CSMD1: variants seen among roughly 807,000 people sequenced by gnomAD.
CSMD1 encodes CUB and Sushi multiple domains 1.
CSMD1 carries 213 observed loss-of-function variants against 417.5 expected under a neutral mutation model. That is an observed-to-expected ratio of 0.51 (90% CI 0.46 to 0.57). The LOEUF (loss-of-function observed/expected upper bound fraction) is 0.57, where lower values mean the gene tolerates loss of function less well. Among genes scored for constraint, CSMD1 ranks in the 20% least tolerant of loss-of-function variants. The pLI, the probability that CSMD1 is intolerant of heterozygous loss-of-function variation, is 0.00. For missense variants in CSMD1, 6,923 were observed against 4,529.7 expected, an observed-to-expected ratio of 1.53 and a Z score of -15.17; for synonymous variants, 2,862 against 1,736.8, an observed-to-expected ratio of 1.65 and a Z score of -16.11.
chr8:3,203,414 A>G (rs1270173741), intron 31 of CSMD1, among the ~76,000 whole-genome samples: 3 of 152,204 alleles, frequency 2.0e-5, no homozygotes, highest in African/African-American at 7.2e-5. Context: ...TGAGAATGTG[A>G]TGAGAAGAAC....
intron 3 of CSMD1, among the ~76,000 whole-genome samples, chr8:4,122,707 T>C (rs936715077): frequency 6.6e-6 from 1 of 152,168 alleles, no homozygotes; most frequent in Non-Finnish European, 1.5e-5. Context: ...CTAAATGCTG[T>C]AACCCAGGAT....
intron 1 of CSMD1, among the ~76,000 whole-genome samples, chr8:4,980,755 G>A (rs138265592): frequency 1.3e-5 from 2 of 152,170 alleles, no homozygotes; most frequent in Non-Finnish European, 2.9e-5. Flanking sequence ...GCTACACCAA[G>A]TGAGCTGAGT....
At chr8:3,567,434 A>C (rs908389836) in intron 10 of CSMD1, among the ~76,000 whole-genome samples, 4 of 151,784 alleles carry the variant, frequency 2.6e-5, no homozygotes, top group Non-Finnish European at 5.9e-5. Flanking sequence ...TTTAAAAATA[A>C]AATAAAAATA....
intron 10 of CSMD1, among the ~76,000 whole-genome samples, chr8:3,501,764 T>C (rs183787634): frequency 3.3e-4 from 50 of 152,352 alleles, no homozygotes; most frequent in African/African-American, 1.2e-3. Flanking sequence ...TTACACATTT[T>C]AAAAGAAAAT....
intron 10 of CSMD1, among the ~76,000 whole-genome samples, chr8:3,562,502 G>A (rs548737292): frequency 2.7e-5 from 4 of 150,778 alleles, no homozygotes; most frequent in South Asian, 4.2e-4. Context: ...ACAGATGAGT[G>A]CCACAGCAAT....
At chr8:3,193,359 A>G (rs1040447072) in intron 33 of CSMD1, among the ~76,000 whole-genome samples, 7 of 152,180 alleles carry the variant, frequency 4.6e-5, no homozygotes, top group Admixed American at 4.6e-4. Context: ...TAGAGGAAGA[A>G]GTTTGGAAAG....
At chr8:3,772,286 G>A (rs1012903071) in intron 5 of CSMD1, among the ~76,000 whole-genome samples, 1 of 128,880 alleles carries the variant, frequency 7.8e-6, no homozygotes, top group Non-Finnish European at 1.6e-5. Flanking sequence ...CATATATTTA[G>A]ACATACATAT....
At chr8:4,471,574 G>C (rs749862710) in intron 2 of CSMD1, among the ~76,000 whole-genome samples, 1 of 152,114 alleles carries the variant, frequency 6.6e-6, no homozygotes, top group African/African-American at 2.4e-5. Context: ...ACGAAGGCCC[G>C]TTTTAGAGAG....
chr8:3,261,189 G>C (rs901031331), intron 26 of CSMD1, among the ~76,000 whole-genome samples: 1 of 152,132 alleles, frequency 6.6e-6, no homozygotes, highest in Non-Finnish European at 1.5e-5. Flanking sequence ...AAATACCATA[G>C]ACAATTTTAT....
intron 5 of CSMD1, among the ~76,000 whole-genome samples, chr8:3,959,521 A>C (rs1444399502): frequency 6.6e-6 from 1 of 152,108 alleles, no homozygotes; most frequent in African/African-American, 2.4e-5. Context: ...CAAAGAACAA[A>C]CCAACGAACG....
chr8:4,402,821 CTTTTTTTTTTTTTTTTG>C (rs1804739054), intron 3 of CSMD1, among the ~76,000 whole-genome samples: 3 of 66,352 alleles, frequency 4.5e-5, no homozygotes, highest in Non-Finnish European at 8.7e-5. Context: ...TTTTTTTTTT[CTTTTTTTTTTTTTTTTG>C]GAGACAGAGC....
chr8:3,963,618 T>A (rs1812474205), intron 5 of CSMD1, among the ~76,000 whole-genome samples: 1 of 152,230 alleles, frequency 6.6e-6, no homozygotes, highest in African/African-American at 2.4e-5. Flanking sequence ...TAGTAGCACA[T>A]ATGGTATATT....
At chr8:4,280,283 T>C (rs1796706524) in intron 3 of CSMD1, among the ~76,000 whole-genome samples, 1 of 152,364 alleles carries the variant, frequency 6.6e-6, no homozygotes, top group East Asian at 1.9e-4. Flanking sequence ...AGCACGTTTT[T>C]ATAATGTAGT....
chr8:3,132,703 A>T (rs1332410316), intron 41 of CSMD1, among the ~76,000 whole-genome samples: 2 of 152,190 alleles, frequency 1.3e-5, no homozygotes, highest in South Asian at 2.1e-4. Context: ...TTATTACCTG[A>T]GCAATTGTAA....
chr8:4,947,003 G>A (rs1189720576), intron 1 of CSMD1, among the ~76,000 whole-genome samples: 3 of 152,062 alleles, frequency 2.0e-5, no homozygotes, highest in Non-Finnish European at 4.4e-5. Flanking sequence ...TAATCCAAAT[G>A]CTAAACAATC....
At chr8:4,555,221 A>G (rs1285200732) in intron 2 of CSMD1, among the ~76,000 whole-genome samples, 1 of 152,244 alleles carries the variant, frequency 6.6e-6, no homozygotes, top group Non-Finnish European at 1.5e-5. Context: ...CAGGAAGACC[A>G]GCTTACGGGT....
At chr8:3,422,715 C>T (rs896504096) in intron 12 of CSMD1, among the ~76,000 whole-genome samples, 1 of 152,082 alleles carries the variant, frequency 6.6e-6, no homozygotes, top group East Asian at 1.9e-4. Context: ...GTCTTAGTCC[C>T]CTTGTGCTGC....
intron 7 of CSMD1, among the ~76,000 whole-genome samples, chr8:3,633,000 G>C (rs1481982069): frequency 1.3e-5 from 2 of 152,234 alleles, no homozygotes; most frequent in South Asian, 2.1e-4. Context: ...GCACCTGAGA[G>C]ATATGTTTCC....
At chr8:3,094,726 G>C (rs1018707458) in intron 47 of CSMD1, among the ~76,000 whole-genome samples, 13 of 139,024 alleles carry the variant, frequency 9.4e-5, no homozygotes, top group African/African-American at 3.5e-4. Flanking sequence ...ATACTCTTGA[G>C]ATAATAAAGT....
Sources: allele counts gnomAD v4.1 joint callset (sites outside exome capture counted in the v4.1 genomes callset), GRCh38; gene constraint gnomAD v4.1.1; transcripts MANE v1.5; gene names NCBI Gene and HGNC (gene_info 2026-07-23, HGNC 2026-07-21).